CDH7: variants seen among roughly 807,000 people sequenced by gnomAD.
CDH7 encodes the protein cadherin-7.
Under a neutral mutation model 71.8 loss-of-function variants are expected in CDH7, and 25 were observed. The ratio of observed to expected loss-of-function variants is 0.35; its 90% CI spans 0.25 to 0.49. The LOEUF (loss-of-function observed/expected upper bound fraction) is 0.49. CDH7 is among the 20% of genes least tolerant of loss of function. CDH7 has a pLI of 0.99. For missense variants in CDH7, 862 were observed against 974.6 expected (o/e 0.88, Z 1.54); for synonymous variants, 381 against 363.8 (o/e 1.05, Z -0.54).
intron 6 of CDH7, among the ~76,000 whole-genome samples, chr18:65,830,104 A>C (rs1003854482): frequency 6.6e-6 from 1 of 152,168 alleles, no homozygotes; most frequent in African/African-American, 2.4e-5. Flanking sequence ...TCACCTGTGC[A>C]GAGACTTCAC....
intron 2 of CDH7, among the ~76,000 whole-genome samples, chr18:65,773,006 T>G (rs1481844233): frequency 2.0e-5 from 3 of 152,180 alleles, no homozygotes; most frequent in African/African-American, 7.2e-5. Flanking sequence ...CAATTTATGT[T>G]TAATTTCTCT....
In CDH7 at chr18:65,833,695, A is replaced by G. The variant is rs73966340; in HGVS notation, c.981+8864A>G. 2.1e-3 allele frequency among the ~76,000 whole-genome samples: 320 copies of G among 152,276 alleles called. 4 individuals are homozygous for G. The highest frequency in any genetic ancestry group is 7.3e-3 in the African/African-American group (304 of 41,554). Reference sequence around the variant, plus strand: ...AGGCTTATTATCTGCTTATTAAGGTATAAATTTACCTGTGCTTGAGTAGTC... The same window carrying G: ...AGGCTTATTATCTGCTTATTAAGGTGTAAATTTACCTGTGCTTGAGTAGTC... On this transcript the variant is annotated intron_variant, in intron 6 of 11. Coordinates refer to ENST00000397968, the MANE Select transcript of CDH7 (RefSeq NM_004361.5).
intron 2 of CDH7, among the ~76,000 whole-genome samples, chr18:65,786,172 G>A (rs915836747): frequency 6.6e-6 from 1 of 151,394 alleles, no homozygotes; most frequent in Non-Finnish European, 1.5e-5. Context: ...TAGACTGAAT[G>A]TACCTGATTA....
chr18:65,770,583 C>T (rs1181760642), intron 2 of CDH7, among the ~76,000 whole-genome samples: 4 of 152,000 alleles, frequency 2.6e-5, no homozygotes, highest in Non-Finnish European at 5.9e-5. Context: ...ACTTATATTC[C>T]TGTTGCCTAG....
At chr18:65,793,612 A>G (rs1910795549) in intron 2 of CDH7, among the ~76,000 whole-genome samples, 1 of 152,312 alleles carries the variant, frequency 6.6e-6, no homozygotes, top group South Asian at 2.1e-4. Context: ...GGTGATTATA[A>G]GTTGCCTAGA....
chr18:65,795,266 G>A (rs191384004), intron 2 of CDH7, among the ~76,000 whole-genome samples: 5 of 152,134 alleles, frequency 3.3e-5, no homozygotes, highest in African/African-American at 9.6e-5. Context: ...AAAATTATAA[G>A]CAATGTAAAA....
chr18:65,880,847 C>A lies in CDH7; in HGVS notation c.2311C>A (p.Arg771=). Residue 771 remains arginine (R), a synonymous_variant, in exon 12 of 12, where the codon CGA becomes AGA. Coordinates refer to ENST00000397968, the MANE Select transcript of CDH7 (RefSeq NM_004361.5). ...AAGTGACTGGGGACCTCGCTTTAAA[C>A]GACTCGCGGACATGTATGGGACTGG... ...YLSDWGPRFK[R]LADMYGTGQE... 1.9e-6 allele frequency: 3 copies of A among 1,614,034 alleles called. No homozygotes were observed. Among genetic ancestry groups the A allele is most frequent in the South Asian group, 2.2e-5 (2 of 91,068 alleles).
intron 2 of CDH7, among the ~76,000 whole-genome samples, chr18:65,767,398 T>C (rs1346666399): frequency 6.6e-6 from 1 of 152,170 alleles, no homozygotes; most frequent in East Asian, 1.9e-4. Context: ...ACAAATTAGA[T>C]TCCTTAACTG....
At chr18:65,838,276 A>G (rs1364711750) in intron 6 of CDH7, among the ~76,000 whole-genome samples, 6 of 152,176 alleles carry the variant, frequency 3.9e-5, no homozygotes, top group Admixed American at 6.5e-5. Context: ...TCCCATAGGT[A>G]TGGTCTCACT....
chr18:65,797,794 A>G (rs1412842101), intron 2 of CDH7, among the ~76,000 whole-genome samples: 2 of 152,150 alleles, frequency 1.3e-5, no homozygotes, highest in Admixed American at 6.5e-5. Context: ...TCCCTCTTTT[A>G]TAGCTAGTTA....
intron 11 of CDH7, among the ~76,000 whole-genome samples, chr18:65,867,716 C>G (rs989427938): frequency 6.6e-6 from 1 of 152,172 alleles, no homozygotes; most frequent in Non-Finnish European, 1.5e-5. Context: ...TGTTTCTGTA[C>G]TTGGACTTCC....
At chr18:65,819,299 A>C (rs954185007) in intron 4 of CDH7, among the ~76,000 whole-genome samples, 1 of 152,152 alleles carries the variant, frequency 6.6e-6, no homozygotes, top group African/African-American at 2.4e-5. Context: ...AAGTATAAAT[A>C]AATTTGCCAA....
Position 65,881,492 on chromosome 18 carries a change from TA to T in CDH7, c.*602del, listed in dbSNP as rs1374365919. ...CTGAAAACCCTACCACAAAAGCCAG[TA>T]AAATTTAGTTTAAGGCAATATAAAC... On this transcript the variant is annotated 3_prime_UTR_variant, in exon 12 of 12. Transcript: ENST00000397968. 2.6e-5 allele frequency: 4 copies of T among 152,172 alleles called. No individual in the cohort carries two copies. In the South Asian group the frequency reaches 8.3e-4, roughly 31 times the overall value. The allele number at this position is 152,172 out of a possible 1,614,324, so 9.4% of individuals were successfully genotyped here. A position where few individuals can be genotyped will look rare whatever the true frequency, so the allele number is the denominator to read the frequency against.
At chr18:65,821,603 G>T (rs1359852279) in intron 4 of CDH7, among the ~76,000 whole-genome samples, 1 of 152,128 alleles carries the variant, frequency 6.6e-6, no homozygotes, top group African/African-American at 2.4e-5. Flanking sequence ...GTGTGTTTGT[G>T]TTTGAGAGCT....
intron 2 of CDH7, among the ~76,000 whole-genome samples, chr18:65,786,082 C>A (rs1910503380): frequency 6.6e-6 from 1 of 151,902 alleles, no homozygotes; most frequent in African/African-American, 2.4e-5. Flanking sequence ...CTAGAGCTGC[C>A]CATTAATATG....
At position 65,885,372 on chromosome 18, in the gene CDH7, G is replaced by GTGTTTTTTTTTTTTTTTT. The variant is rs1914342122; in HGVS notation, c.*4479_*4480insGTTTTTTTTTTTTTTTTT. ...GTAACTGAAAAGGATGTGTGCCTGT[G>GTGTTTTTTTTTTTTTTTT]TTTTTTTTTTTTTTTTTTTTTTTGA... On this transcript the variant is annotated 3_prime_UTR_variant, in exon 12 of 12. Coordinates refer to ENST00000397968, the MANE Select transcript of CDH7 (RefSeq NM_004361.5). 1.2e-4 allele frequency: 8 copies of GTGTTTTTTTTTTTTTTTT among 69,442 alleles called. No individual in the cohort carries two copies. The highest frequency in any genetic ancestry group is 2.6e-4 in the African/African-American group (5 of 19,202). 4.3% of individuals were successfully genotyped at this position (69,442 alleles called of 1,614,324 possible). A position where few individuals can be genotyped will look rare whatever the true frequency, so the allele number is the denominator to read the frequency against.
intron 6 of CDH7, among the ~76,000 whole-genome samples, chr18:65,830,533 T>C (rs8086682): frequency 0.66 from 99,322 of 150,372 alleles, 34,535 homozygotes; most frequent in East Asian, 0.98. Context: ...TTCCTTCCTT[T>C]CTTCCTCCCT....
At chr18:65,754,711 T>C (rs1568167981) in intron 1 of CDH7, among the ~76,000 whole-genome samples, 1 of 152,196 alleles carries the variant, frequency 6.6e-6, no homozygotes, top group African/African-American at 2.4e-5. Context: ...ACAATAGGAA[T>C]GATACTTATT....
At chr18:65,843,640 C>G (rs1912816404) in intron 6 of CDH7, among the ~76,000 whole-genome samples, 172 bp from the exon 7 acceptor site, 2 of 151,992 alleles carry the variant, frequency 1.3e-5, no homozygotes, top group Admixed American at 1.3e-4. Context: ...GTTTGTGAGC[C>G]AGGAAAGCAA....
Sources: gnomAD v4.1 joint callset for allele counts (sites outside exome capture counted in the v4.1 genomes callset) on GRCh38, gnomAD v4.1.1 for gene constraint, MANE v1.5 for transcripts, NCBI Gene and HGNC (gene_info 2026-07-23, HGNC 2026-07-21) for gene names.